Variants in MRTFA observed in about 807,000 individuals in gnomAD.
The protein encoded by MRTFA is myocardin-related transcription factor A.
Under a neutral mutation model 83.5 loss-of-function variants are expected in MRTFA, and 20 were observed. The observed-to-expected ratio is 0.24, with a 90% CI of 0.17 to 0.35. MRTFA has a LOEUF of 0.35. MRTFA is among the 10% of genes least tolerant of loss of function. The pLI is 1.00. For missense variants in MRTFA, 1,200 were observed against 1,224.7 expected, an observed-to-expected ratio of 0.98 and a Z score of 0.30; for synonymous variants, 659 against 541.2, an observed-to-expected ratio of 1.22 and a Z score of -3.02.
chr22:40,626,140 C>A (rs1883178174), intron 1 of MRTFA, among the ~76,000 whole-genome samples: 1 of 152,074 alleles, frequency 6.6e-6, no homozygotes, highest in Non-Finnish European at 1.5e-5. Context: ...CCCACCACCA[C>A]ACCCGGCTGA....
chr22:40,465,547 A>C (rs2053799707), intron 3 of MRTFA, among the ~76,000 whole-genome samples: 1 of 152,104 alleles, frequency 6.6e-6, no homozygotes, highest in Non-Finnish European at 1.5e-5. Context: ...CCTAACAGCC[A>C]TATGAAGATA....
At chr22:40,450,453 T>C (rs144002343) in intron 4 of MRTFA, among the ~76,000 whole-genome samples, 170 of 151,730 alleles carry the variant, frequency 1.1e-3, no homozygotes, top group African/African-American at 3.8e-3. Context: ...TTTTTAATAG[T>C]GTATTTATTT....
rs766527368 is a variant in MRTFA at position 40,419,316 on chromosome 22, A to C, written c.1422T>G (p.Ile474Met). 12 of 1,613,820 alleles carry C rather than the reference A, an allele frequency of 7.4e-6. No individual in the cohort carries two copies. Among genetic ancestry groups the C allele is most frequent in the South Asian group, 5.5e-5 (5 of 91,086 alleles). Reference sequence around the variant, plus strand: ...GGTCTTGATAGGCTCGAAGGCGCTCAATCAGCTCAGTTTTGGTGCCCGAGA... The same window carrying C: ...GGTCTTGATAGGCTCGAAGGCGCTCCATCAGCTCAGTTTTGGTGCCCGAGA... Residue 474 changes from isoleucine (I) to methionine (M), a missense_variant, in exon 12 of 15, where the codon ATT becomes ATG. Physicochemically the swap from Ile to Met is conservative, Grantham distance 10. Around this residue, in one of 2 missense-constraint regions of MRTFA, gnomAD observed 1,107 missense variants for 1,041.8 expected, o/e 1.06. Coordinates refer to ENST00000355630, the MANE Select transcript of MRTFA (RefSeq NM_020831.6).
chr22:40,459,830 C>CATATATATACATATATATATAT lies in MRTFA; in HGVS notation c.307+3390_307+3391insATATATATATATGTATATATAT, dbSNP rs2053673463. ...ACACACACACACACACACATATATA[C>CATATATATACATATATATATAT]ATATATATATATATATATATATATA... is the stretch of plus-strand genomic sequence containing the variant. On this transcript the variant is annotated intron_variant, in intron 4 of 14. Transcript: ENST00000355630. 1.3e-4 allele frequency among the ~76,000 whole-genome samples: 11 copies of CATATATATACATATATATATAT among 86,944 alleles called. 1 individual carries two copies. The highest frequency in any genetic ancestry group is 4.9e-4 in the African/African-American group (10 of 20,442). 57.0% of individuals were successfully genotyped at this position (86,944 alleles called of 152,430 possible). A position where few individuals can be genotyped will look rare whatever the true frequency, so the allele number is the denominator to read the frequency against.
rs1169440564 is a variant in MRTFA at position 40,419,268 on chromosome 22, G to A, written c.1470C>T (p.Ala490=). The A allele has an allele frequency of 1.9e-6, 3 of 1,613,226 alleles. No individual in the cohort carries two copies. The highest frequency in any genetic ancestry group is 2.7e-5 in the African/African-American group (2 of 74,928). Residue 490 remains alanine (A), a synonymous_variant, in exon 12 of 15, where the codon GCC becomes GCT. Coordinates refer to ENST00000355630, the MANE Select transcript of MRTFA (RefSeq NM_020831.6). ...TAGAGGTGGCGGCAGGGGCCTTGGG[G>A]GCTCCTGGCACAGGGCTGATTTGGT...
At chr22:40,539,823 G>A (rs1485944718) in intron 3 of MRTFA, among the ~76,000 whole-genome samples, 2 of 151,380 alleles carry the variant, frequency 1.3e-5, no homozygotes, top group African/African-American at 2.4e-5. Flanking sequence ...TTTTCTTAAC[G>A]TAACTATAAT....
intron 3 of MRTFA, among the ~76,000 whole-genome samples, chr22:40,521,047 T>A (rs1025129183): frequency 9.2e-5 from 14 of 151,962 alleles, no homozygotes; most frequent in African/African-American, 3.4e-4. Context: ...AAACAGCTCA[T>A]GTATAAACTT....
At position 40,410,457 on chromosome 22, in the gene MRTFA, G is replaced by A. The variant is rs779057618; in HGVS notation, c.*933C>T. 8.6e-6 allele frequency: 2 copies of A among 233,222 alleles called. No homozygotes were observed. Among genetic ancestry groups the A allele is most frequent in the African/African-American group, 4.4e-5 (2 of 45,292 alleles). The allele number at this position is 233,222 out of a possible 1,614,324, so 14.4% of individuals were successfully genotyped here. On this transcript the variant is annotated 3_prime_UTR_variant, in exon 15 of 15. Transcript: ENST00000355630. ...CTCAGCCCCACCGCAGGGTGAAGCT[G>A]GGCCCGAAGCTCCTCCTGTCCTAGG...
chr22:40,454,759 ACT>A (rs1320470633), intron 4 of MRTFA, among the ~76,000 whole-genome samples: 3 of 151,614 alleles, frequency 2.0e-5, no homozygotes, highest in Admixed American at 6.6e-5. Flanking sequence ...AAGGTCTAAG[ACT>A]CTCTTTCTTT....
At chr22:40,631,187 T>G (rs1483335771) in intron 1 of MRTFA, among the ~76,000 whole-genome samples, 1 of 152,122 alleles carries the variant, frequency 6.6e-6, no homozygotes, top group Non-Finnish European at 1.5e-5. Context: ...CATAGAAAAA[T>G]TGATGGTGAA....
chr22:40,607,370 G>A (rs1033950413), intron 1 of MRTFA, among the ~76,000 whole-genome samples: 1 of 152,152 alleles, frequency 6.6e-6, no homozygotes, highest in Non-Finnish European at 1.5e-5. Flanking sequence ...AGGGCATGCT[G>A]GTGGGCGCCT....
At chr22:40,633,953 T>C (rs2056667214) in intron 1 of MRTFA, among the ~76,000 whole-genome samples, 1 of 152,108 alleles carries the variant, frequency 6.6e-6, no homozygotes, top group Non-Finnish European at 1.5e-5. Flanking sequence ...CCTAAATGAG[T>C]TATTTAACTA....
At chr22:40,566,759 C>T (rs2055709660) in intron 2 of MRTFA, among the ~76,000 whole-genome samples, 2 of 152,108 alleles carry the variant, frequency 1.3e-5, no homozygotes, top group African/African-American at 2.4e-5. Context: ...CTTGAACCCG[C>T]GAGGCGGAGG....
intron 2 of MRTFA, among the ~76,000 whole-genome samples, chr22:40,563,400 CA>C (rs2055657752): frequency 6.7e-6 from 1 of 149,210 alleles, no homozygotes; most frequent in African/African-American, 2.5e-5. Context: ...TACCCAGATA[CA>C]ATACTTGAAA....
chr22:40,461,966 G>C (rs1353847315), intron 4 of MRTFA, among the ~76,000 whole-genome samples: 1 of 152,102 alleles, frequency 6.6e-6, no homozygotes, highest in East Asian at 1.9e-4. Flanking sequence ...CCAACTTCTG[G>C]CCTGCACCAG....
intron 3 of MRTFA, among the ~76,000 whole-genome samples, chr22:40,473,130 C>T (rs974199154): frequency 1.3e-5 from 2 of 151,992 alleles, no homozygotes; most frequent in Non-Finnish European, 2.9e-5. Flanking sequence ...CTTTTATATA[C>T]AGTGTAGTAC....
intron 4 of MRTFA, among the ~76,000 whole-genome samples, chr22:40,460,890 T>A (rs1181185756): frequency 6.6e-6 from 1 of 152,068 alleles, no homozygotes; most frequent in Non-Finnish European, 1.5e-5. Context: ...CTCCCTGGGC[T>A]GATGTTTAGG....
intron 1 of MRTFA, among the ~76,000 whole-genome samples, chr22:40,627,337 C>A (rs1230837411): frequency 6.6e-6 from 1 of 152,140 alleles, no homozygotes; most frequent in Non-Finnish European, 1.5e-5. Flanking sequence ...TGGTCTTGAA[C>A]TCCTGGGCTC....
intron 3 of MRTFA, among the ~76,000 whole-genome samples, chr22:40,467,201 C>G (rs112134378): frequency 6.6e-6 from 1 of 152,218 alleles, no homozygotes; most frequent in African/African-American, 2.4e-5. Flanking sequence ...ATCTTGGGTA[C>G]TGCAATAACC....
Sources: gnomAD v4.1 joint callset for allele counts (sites outside exome capture counted in the v4.1 genomes callset) on GRCh38, gnomAD v4.1.1 for gene constraint, gnomAD v4.1.1 regional missense constraint, MANE v1.5 for transcripts, NCBI Gene and HGNC (gene_info 2026-07-23, HGNC 2026-07-21) for gene names.